The following PREX2 variants were observed in gnomAD, a reference collection of about 807,000 sequenced individuals.
The protein encoded by PREX2 is phosphatidylinositol-3,4,5-trisphosphate dependent Rac exchange factor 2.
Under a neutral mutation model 203.2 loss-of-function variants are expected in PREX2, and 107 were observed. The ratio of observed to expected loss-of-function variants is 0.53; its 90% CI spans 0.45 to 0.62. The LOEUF is 0.62. Ranked by LOEUF, PREX2 falls within the 20% of genes least tolerant of loss-of-function variation. PREX2 has a pLI of 0.00. For missense variants in PREX2, 1,777 were observed against 1,955.9 expected, an observed-to-expected ratio of 0.91 and a Z score of 1.72; for synonymous variants, 672 against 663.6, an observed-to-expected ratio of 1.01 and a Z score of -0.19.
In PREX2 at chr8:68,117,998, TA is replaced by T. The variant is rs1250470379; in HGVS notation, c.3327-546del. ...TCCTAGTTTTATAGCTAACTGCCCTTAAAAAATCATTTAGGATTAGATTATA... is the reference window on the plus strand; with the variant it reads ...TCCTAGTTTTATAGCTAACTGCCCTTAAAAATCATTTAGGATTAGATTATA... On this transcript the variant is annotated intron_variant, in intron 26 of 39. Coordinates refer to ENST00000288368, the MANE Select transcript of PREX2 (RefSeq NM_024870.4). 4.6e-5 allele frequency among the ~76,000 whole-genome samples: 7 copies of T among 152,294 alleles called. 1 individual carries two copies. The highest frequency in any genetic ancestry group is 2.1e-4 in the South Asian group (1 of 4,826).
At chr8:67,990,100 C>G (rs1227208307) in intron 1 of PREX2, among the ~76,000 whole-genome samples, 1 of 152,116 alleles carries the variant, frequency 6.6e-6, no homozygotes, top group East Asian at 1.9e-4. Flanking sequence ...AGTCTTGTGC[C>G]TCAGCCTCCC....
intron 1 of PREX2, among the ~76,000 whole-genome samples, chr8:67,980,149 A>C (rs907017285): frequency 6.6e-6 from 1 of 152,176 alleles, no homozygotes; most frequent in Admixed American, 6.6e-5. Flanking sequence ...AGAGCTGAGA[A>C]AGGTTTGGCA....
intron 17 of PREX2, among the ~76,000 whole-genome samples, chr8:68,081,102 C>G (rs1394869890): frequency 6.6e-6 from 1 of 152,042 alleles, no homozygotes. Context: ...CTTCTTGGTA[C>G]CAGGGACTGG....
intron 33 of PREX2, among the ~76,000 whole-genome samples, chr8:68,141,994 G>C (rs758797769): frequency 2.0e-5 from 3 of 151,904 alleles, no homozygotes; most frequent in Non-Finnish European, 4.4e-5. Flanking sequence ...GCAGTTTTAG[G>C]TTCACAGCAA....
At chr8:68,036,525 A>G (rs1808036068) in intron 6 of PREX2, among the ~76,000 whole-genome samples, 1 of 152,166 alleles carries the variant, frequency 6.6e-6, no homozygotes, top group African/African-American at 2.4e-5. Context: ...TATTCTGTAC[A>G]TTTTGTGAAA....
At chr8:67,974,156 C>A (rs1806003603) in intron 1 of PREX2, among the ~76,000 whole-genome samples, 2 of 151,964 alleles carry the variant, frequency 1.3e-5, no homozygotes, top group South Asian at 4.2e-4. Context: ...CTAAAAATTG[C>A]TTTGATGTGT....
intron 1 of PREX2, among the ~76,000 whole-genome samples, chr8:67,975,064 TC>T (rs1411123969): frequency 2.0e-5 from 3 of 152,144 alleles, no homozygotes. Flanking sequence ...TTATTATTCT[TC>T]TTCTCAAGCC....
chr8:67,964,035 T>G (rs544875482), intron 1 of PREX2, among the ~76,000 whole-genome samples: 1 of 152,254 alleles, frequency 6.6e-6, no homozygotes, highest in East Asian at 1.9e-4. Flanking sequence ...CCTCAGTATT[T>G]ATGTAGATTC....
intron 1 of PREX2, among the ~76,000 whole-genome samples, chr8:67,987,986 G>A (rs1311835118): frequency 6.6e-6 from 1 of 152,134 alleles, no homozygotes; most frequent in South Asian, 2.1e-4. Flanking sequence ...ATAGGTAGAA[G>A]AGCAGGTATG....
chr8:68,107,700 G>A (rs898880445), intron 23 of PREX2, among the ~76,000 whole-genome samples: 24 of 152,104 alleles, frequency 1.6e-4, no homozygotes, highest in African/African-American at 5.6e-4. Flanking sequence ...CCCTTGACCT[G>A]GCAGCTACCC....
rs189456626 is a variant in PREX2, at chr8:68,158,877, G to T, written c.4346+1441G>T. The stretch of plus-strand genomic sequence containing the variant: ...TTTCAAGGTGTCCATCATCAGGAAG[G>T]CTCATTCCCAAGTAGTTCTGTCAAA... On this transcript the variant is annotated intron_variant, in intron 35 of 39. Coordinates refer to ENST00000288368, the MANE Select transcript of PREX2 (RefSeq NM_024870.4). 5.3e-5 allele frequency among the ~76,000 whole-genome samples: 8 copies of T among 152,104 alleles called. No homozygotes were observed. In the East Asian group the frequency reaches 1.5e-3, roughly 29 times the overall value.
chr8:68,162,995 C>T (rs1371772876), intron 35 of PREX2, among the ~76,000 whole-genome samples: 2 of 152,204 alleles, frequency 1.3e-5, no homozygotes, highest in African/African-American at 4.8e-5. Context: ...TTATGAAGCT[C>T]TTCCTATTTT....
intron 4 of PREX2, among the ~76,000 whole-genome samples, chr8:68,026,438 G>A (rs1010809707): frequency 1.3e-5 from 2 of 152,074 alleles, no homozygotes; most frequent in Non-Finnish European, 2.9e-5. Flanking sequence ...TAGTTTGTCT[G>A]TTGTAGGCAC....
intron 30 of PREX2, 60 bp downstream of exon 30, chr8:68,121,109 T>C (rs1810764167): frequency 6.4e-7 from 1 of 1,567,642 alleles, no homozygotes; most frequent in Non-Finnish European, 8.7e-7. Context: ...TAAAACCCAC[T>C]AAAACCAAAA....
chr8:68,196,163 G>A (rs572140548), intron 37 of PREX2, among the ~76,000 whole-genome samples: 4 of 151,978 alleles, frequency 2.6e-5, no homozygotes, highest in Non-Finnish European at 2.9e-5. Context: ...GTTCAACTTC[G>A]CTTAAGTTTA....
chr8:68,196,478 C>T (rs1468365271), intron 37 of PREX2, among the ~76,000 whole-genome samples: 2 of 145,078 alleles, frequency 1.4e-5, no homozygotes, highest in African/African-American at 5.0e-5. Flanking sequence ...TATATATGTA[C>T]ATATATATAT....
chr8:68,027,395 A>T, intron 5 of PREX2, 72 bp downstream of exon 5: 1 of 988,590 alleles, frequency 1.0e-6, no homozygotes, highest in South Asian at 1.3e-5. Context: ...TTTTTAAAAA[A>T]TTATTTTAAT....
At chr8:68,078,256 C>T (rs1240550615) in intron 15 of PREX2, among the ~76,000 whole-genome samples, 1 of 152,108 alleles carries the variant, frequency 6.6e-6, no homozygotes, top group Non-Finnish European at 1.5e-5. Flanking sequence ...ACCTTTGCCT[C>T]GTGGGTTGAA....
At chr8:68,124,500 T>TAGG (rs1481407156) in intron 30 of PREX2, among the ~76,000 whole-genome samples, 1 of 151,384 alleles carries the variant, frequency 6.6e-6, no homozygotes. Context: ...AGGTGAAGGG[T>TAGG]AGGAGGAGGG....
Sources: allele counts gnomAD v4.1 joint callset (sites outside exome capture counted in the v4.1 genomes callset), GRCh38; gene constraint gnomAD v4.1.1; transcripts MANE v1.5; gene names NCBI Gene and HGNC (gene_info 2026-07-23, HGNC 2026-07-21).